The following ATF7IP2 variants were observed in gnomAD, a reference collection of about 807,000 sequenced individuals.
The protein encoded by ATF7IP2 is activating transcription factor 7-interacting protein 2.
A neutral mutation model predicts 64.2 loss-of-function variants in ATF7IP2; 42 were observed. The ratio of observed to expected loss-of-function variants is 0.65; its 90% confidence interval spans 0.51 to 0.85. The LOEUF is 0.85. Ranked by LOEUF, ATF7IP2 falls within the 40% of genes least tolerant of loss-of-function variation. The probability of loss-of-function intolerance (pLI) is 0.00; values close to 1 mark genes in which losing one functional copy is unlikely to be tolerated. For missense variants in ATF7IP2, 933 were observed against 784.2 expected (o/e 1.19, Z -2.27); for synonymous variants, 308 against 272.8 (o/e 1.13, Z -1.27).
intron 6 of ATF7IP2, among the ~76,000 whole-genome samples, chr16:10,436,577 C>T (rs1174767005): frequency 1.3e-5 from 2 of 151,862 alleles, no homozygotes; most frequent in Admixed American, 6.6e-5. Flanking sequence ...AAGGAAGAGC[C>T]TTGGGAATGA....
chr16:10,450,626 G>A (rs867548472), intron 8 of ATF7IP2, among the ~76,000 whole-genome samples: 1 of 151,992 alleles, frequency 6.6e-6, no homozygotes, highest in Admixed American at 6.6e-5. Flanking sequence ...CAGAGACTAG[G>A]ATTGCAACCC....
At chr16:10,410,827 A>G (rs2047744643) in intron 1 of ATF7IP2, among the ~76,000 whole-genome samples, 1 of 152,170 alleles carries the variant, frequency 6.6e-6, no homozygotes, top group African/African-American at 2.4e-5. Context: ...TTCCCCATTT[A>G]GTATTATGTT....
chr16:10,424,064 G>A (rs572646513), intron 3 of ATF7IP2, among the ~76,000 whole-genome samples: 39 of 152,306 alleles, frequency 2.6e-4, no homozygotes, highest in Admixed American at 9.2e-4. Flanking sequence ...AGTTTAAATC[G>A]GGAAACAAAA....
chr16:10,387,362 T>C (rs1469025781), intron 1 of ATF7IP2: 2 of 152,242 alleles, frequency 1.3e-5, no homozygotes, highest in Non-Finnish European at 2.9e-5. Context: ...CTTAATCAAA[T>C]TTACTTCACT....
intron 8 of ATF7IP2, chr16:10,445,408 G>A (rs973340817): frequency 6.6e-6 from 1 of 152,176 alleles, no homozygotes; most frequent in Non-Finnish European, 1.5e-5. Flanking sequence ...TTGGCTATTT[G>A]ATCTGCAAGG....
At chr16:10,406,661 A>G (rs1040250499) in intron 1 of ATF7IP2, among the ~76,000 whole-genome samples, 5 of 152,200 alleles carry the variant, frequency 3.3e-5, no homozygotes, top group Admixed American at 6.5e-5. Context: ...TGGAAAATCT[A>G]GAGGAAATGG....
intron 6 of ATF7IP2, among the ~76,000 whole-genome samples, chr16:10,434,112 C>T (rs758899225): frequency 6.6e-6 from 1 of 152,324 alleles, no homozygotes; most frequent in East Asian, 1.9e-4. Context: ...TTCAGGTTTA[C>T]TTGCCCTATT....
chr16:10,421,766 A>G (rs1368032217), intron 3 of ATF7IP2, among the ~76,000 whole-genome samples: 5 of 152,238 alleles, frequency 3.3e-5, no homozygotes, highest in Admixed American at 3.3e-4. Flanking sequence ...TTACGAGTAG[A>G]TTCAATTGCT....
Position 10,456,195 on chromosome 16 carries a change from G to GA in ATF7IP2, c.1195-1168dup, listed in dbSNP as rs201698502. On this transcript the variant is annotated intron_variant, in intron 8 of 13. Coordinates refer to ENST00000562102, the MANE Select transcript of ATF7IP2 (RefSeq NM_001393719.1). Reference sequence around the variant, plus strand: ...CCTCTTGCTTCTTTTCACAATGTGAGAAAAAAAAAGAGAAAAATTGAAGAA... The same window carrying GA: ...CCTCTTGCTTCTTTTCACAATGTGAGAAAAAAAAAAGAGAAAAATTGAAGAA... Among the ~76,000 whole-genome samples, 401 of 149,564 alleles carry GA rather than the reference G, an allele frequency of 2.7e-3. 1 individual carries two copies. Among genetic ancestry groups the GA allele is most frequent in the African/African-American group, 8.9e-3 (362 of 40,846 alleles).
intron 1 of ATF7IP2, among the ~76,000 whole-genome samples, chr16:10,392,824 A>T (rs1467004559): frequency 1.4e-5 from 2 of 140,962 alleles, no homozygotes; most frequent in Non-Finnish European, 3.1e-5. Flanking sequence ...CTCTGTCTTT[A>T]AAAAAAAAAA....
In ATF7IP2 at chr16:10,402,678, G is replaced by A. The variant is rs148310269; in HGVS notation, c.-241-11896G>A. Among the ~76,000 whole-genome samples the A allele has an allele frequency of 1.1e-3, 161 of 152,100 alleles. 1 individual carries two copies. Among genetic ancestry groups the A allele is most frequent in the Non-Finnish European group, 1.7e-3 (113 of 67,990 alleles). On this transcript the variant is annotated intron_variant, in intron 1 of 13. Coordinates refer to ENST00000562102, the MANE Select transcript of ATF7IP2 (RefSeq NM_001393719.1). ...CAGGGTTTCACCATGTTGCCAGACT[G>A]GTTTCAAACTCCTGAGCTCAAGTGA...
intron 8 of ATF7IP2, 97 bp from the exon 9 acceptor site, chr16:10,457,275 A>G (rs2049202260): frequency 1.0e-6 from 1 of 1,004,664 alleles, no homozygotes. Flanking sequence ...ATGTTTTGCC[A>G]TATGTATGCA....
chr16:10,464,929 T>TA (rs1436524211), intron 9 of ATF7IP2, among the ~76,000 whole-genome samples: 1 of 152,184 alleles, frequency 6.6e-6, no homozygotes. Context: ...CTCCTGGGTT[T>TA]AGGTGATTCT....
intron 6 of ATF7IP2, among the ~76,000 whole-genome samples, chr16:10,437,022 A>AT (rs71402484): frequency 0.11 from 14,904 of 140,994 alleles, 903 homozygotes; most frequent in African/African-American, 0.16. Context: ...TATTTTTCCC[A>AT]TTTTTTTTTT....
At chr16:10,412,371 G>A (rs1277147238) in intron 1 of ATF7IP2, among the ~76,000 whole-genome samples, 3 of 152,036 alleles carry the variant, frequency 2.0e-5, no homozygotes, top group Admixed American at 1.3e-4. Flanking sequence ...TTTATAGGTT[G>A]TATCTCTATT....
chr16:10,449,842 A>G (rs1794451722), intron 8 of ATF7IP2: 1 of 151,758 alleles, frequency 6.6e-6, no homozygotes, highest in African/African-American at 2.4e-5. Flanking sequence ...CTCTGATCTT[A>G]GAGTTATTTC....
At chr16:10,406,157 G>T (rs184068055) in intron 1 of ATF7IP2, among the ~76,000 whole-genome samples, 1 of 152,134 alleles carries the variant, frequency 6.6e-6, no homozygotes, top group Non-Finnish European at 1.5e-5. Context: ...TCAGGCTGGA[G>T]TGCAGTGGTG....
intron 9 of ATF7IP2, among the ~76,000 whole-genome samples, chr16:10,466,727 CAA>C (rs753516624): frequency 5.5e-4 from 83 of 152,170 alleles, no homozygotes; most frequent in Non-Finnish European, 1.1e-3. Flanking sequence ...TTTCCTGACC[CAA>C]AGTCATGTTG....
intron 12 of ATF7IP2, among the ~76,000 whole-genome samples, chr16:10,479,636 A>C (rs1467726815): frequency 1.3e-5 from 2 of 151,984 alleles, no homozygotes; most frequent in East Asian, 3.8e-4. Context: ...ATGTACCCTA[A>C]AACTTAAAGT....
Sources: gnomAD v4.1 joint callset for allele counts (sites outside exome capture counted in the v4.1 genomes callset) on GRCh38, gnomAD v4.1.1 for gene constraint, MANE v1.5 for transcripts, NCBI Gene and HGNC (gene_info 2026-07-23, HGNC 2026-07-21) for gene names.